Variants in DACH1 observed in about 807,000 individuals in gnomAD.
DACH1 encodes dachshund homolog 1.
A neutral mutation model predicts 54.2 loss-of-function variants in DACH1; 12 were observed. That is an observed-to-expected ratio of 0.22 (90% confidence interval 0.14 to 0.36). The LOEUF (loss-of-function observed/expected upper bound fraction) is 0.36, where lower values mean the gene tolerates loss of function less well. Among genes scored for constraint, DACH1 ranks in the 10% least tolerant of loss-of-function variants. DACH1 has a pLI of 1.00. For synonymous variants in DACH1, 386 were observed against 366.2 expected (o/e 1.05, Z -0.62); for missense variants, 805 against 929.8 (o/e 0.87, Z 1.75).
At chr13:71,863,070 A>G (rs1245824812) in intron 1 of DACH1, among the ~76,000 whole-genome samples, 4 of 152,138 alleles carry the variant, frequency 2.6e-5, no homozygotes, top group Non-Finnish European at 5.9e-5. Context: ...TAGGTGAATA[A>G]AAAAGGTTCT....
chr13:71,834,393 T>G (rs1002659787), intron 1 of DACH1, among the ~76,000 whole-genome samples: 1 of 152,136 alleles, frequency 6.6e-6, no homozygotes, highest in East Asian at 1.9e-4. Context: ...AAATGGATGA[T>G]GCAAAGGTTC....
In DACH1 at chr13:71,866,770, G is replaced by A. The variant is rs1874853465; in HGVS notation, c.-1C>T. ...GGATCAAAGCCGCCGGCACTGCCAT[G>A]GTCACATATAAGGGGAAACAGACGG... On this transcript the variant is annotated 5_prime_UTR_variant, in exon 1 of 11. Coordinates refer to ENST00000613252, the MANE Select transcript of DACH1 (RefSeq NM_080759.6). The A allele has an allele frequency of 1.5e-6, 2 of 1,357,066 alleles. No individual in the cohort carries two copies. Among genetic ancestry groups the A allele is most frequent in the African/African-American group, 1.5e-5 (1 of 67,040 alleles). 84.1% of individuals were successfully genotyped at this position (1,357,066 alleles called of 1,614,324 possible).
intron 2 of DACH1, among the ~76,000 whole-genome samples, chr13:71,674,722 C>T (rs1880439565): frequency 1.0e-3 from 2 of 1,938 alleles, no homozygotes; most frequent in African/African-American, 1.9e-3. Flanking sequence ...TAATTTGTTA[C>T]GGCAGGCACA....
At chr13:71,766,050 C>A (rs1001539340) in intron 1 of DACH1, among the ~76,000 whole-genome samples, 2 of 152,098 alleles carry the variant, frequency 1.3e-5, no homozygotes, top group African/African-American at 4.8e-5. Context: ...CCACGTCCAG[C>A]TAATTTTTTG....
intron 6 of DACH1, among the ~76,000 whole-genome samples, chr13:71,514,092 A>G (rs1218693443): frequency 6.6e-6 from 1 of 152,066 alleles, no homozygotes; most frequent in Non-Finnish European, 1.5e-5. Context: ...ATTAAAAATA[A>G]AAAGTCCATT....
intron 1 of DACH1, among the ~76,000 whole-genome samples, chr13:71,804,656 A>C (rs1402773628): frequency 2.0e-5 from 3 of 152,024 alleles, no homozygotes; most frequent in African/African-American, 2.4e-5. Context: ...TTTGCTCACA[A>C]AGTTCCCACC....
At position 71,519,883 on chromosome 13, in the gene DACH1, GTA is replaced by G. The variant is rs57190375; in HGVS notation, c.1571-30737_1571-30736del. Among the ~76,000 whole-genome samples, 86 of 29,340 alleles carry G rather than the reference GTA, an allele frequency of 2.9e-3. 5 individuals carry two copies. Among genetic ancestry groups the G allele is most frequent in the Middle Eastern group, 0.042 (1 of 24 alleles). The allele number at this position is 29,340 out of a possible 152,430, so 19.2% of individuals were successfully genotyped here. On this transcript the variant is annotated intron_variant, in intron 6 of 10. Transcript: ENST00000613252. Reference sequence around the variant, plus strand: ...AGATGTTTGTGTCCAAACCAAAGTAGTATATATATATATATATATATATATCC... The same window carrying G: ...AGATGTTTGTGTCCAAACCAAAGTAGTATATATATATATATATATATATCC...
intron 1 of DACH1, among the ~76,000 whole-genome samples, chr13:71,736,753 C>T (rs184327732): frequency 8.6e-4 from 131 of 152,200 alleles, no homozygotes; most frequent in African/African-American, 2.6e-3. Context: ...TTTTCTTAAT[C>T]GATCTGATGT....
intron 1 of DACH1, among the ~76,000 whole-genome samples, chr13:71,748,979 T>C (rs1202744131): frequency 1.4e-5 from 2 of 147,630 alleles, no homozygotes; most frequent in Admixed American, 6.9e-5. Context: ...TCTCTCTTTC[T>C]TCTTTCCTTT....
chr13:71,527,320 C>T (rs1368702710), intron 6 of DACH1, among the ~76,000 whole-genome samples: 3 of 152,038 alleles, frequency 2.0e-5, no homozygotes, highest in East Asian at 1.9e-4. Context: ...ACACATTACT[C>T]ATATAACTTT....
intron 1 of DACH1, among the ~76,000 whole-genome samples, chr13:71,748,776 T>C (rs1192912946): frequency 2.6e-5 from 4 of 152,210 alleles, no homozygotes; most frequent in Non-Finnish European, 5.9e-5. Context: ...TAATATATCA[T>C]CTTTCATAAC....
At chr13:71,761,662 T>C (rs977921936) in intron 1 of DACH1, among the ~76,000 whole-genome samples, 4 of 152,114 alleles carry the variant, frequency 2.6e-5, no homozygotes, top group Admixed American at 6.6e-5. Context: ...AAATGCAGGT[T>C]TTGATCCAGT....
At chr13:71,575,353 T>G (rs912550938) in intron 3 of DACH1, among the ~76,000 whole-genome samples, 5 of 152,024 alleles carry the variant, frequency 3.3e-5, no homozygotes, top group African/African-American at 1.2e-4. Flanking sequence ...AACTAAAATA[T>G]GGAGTGGAAA....
At chr13:71,502,486 C>T (rs987090141) in intron 6 of DACH1, among the ~76,000 whole-genome samples, 4 of 152,126 alleles carry the variant, frequency 2.6e-5, no homozygotes, top group East Asian at 3.9e-4. Context: ...CTTCCCTTGT[C>T]GGAGCTGTTT....
At chr13:71,555,313 TTA>T (rs1438057266) in intron 6 of DACH1, among the ~76,000 whole-genome samples, 1 of 151,974 alleles carries the variant, frequency 6.6e-6, no homozygotes, top group African/African-American at 2.4e-5. Context: ...CGATGAAACT[TTA>T]TGTTTTACCA....
chr13:71,836,299 C>T (rs1325357), intron 1 of DACH1, among the ~76,000 whole-genome samples: 12,002 of 151,916 alleles, frequency 0.079, 1,572 homozygotes, highest in African/African-American at 0.27. Context: ...AATTAATAGT[C>T]AATGTTTATT....
At chr13:71,442,024 A>T (rs1874049502) in intron 10 of DACH1, among the ~76,000 whole-genome samples, 1 of 152,092 alleles carries the variant, frequency 6.6e-6, no homozygotes, top group Non-Finnish European at 1.5e-5. Flanking sequence ...CACCTCAAAC[A>T]CTTATCCTCT....
At chr13:71,778,772 T>C (rs111385713) in intron 1 of DACH1, among the ~76,000 whole-genome samples, 1 of 152,042 alleles carries the variant, frequency 6.6e-6, no homozygotes, top group Non-Finnish European at 1.5e-5. Flanking sequence ...TTCCAAAAAA[T>C]TAAACTTGGA....
intron 1 of DACH1, among the ~76,000 whole-genome samples, chr13:71,851,658 G>A (rs192943170): frequency 7.2e-5 from 11 of 152,170 alleles, no homozygotes; most frequent in Admixed American, 3.3e-4. Flanking sequence ...CACATGCCAA[G>A]TCCTGTCTTA....
Sources: allele counts gnomAD v4.1 joint callset (sites outside exome capture counted in the v4.1 genomes callset), GRCh38; gene constraint gnomAD v4.1.1; transcripts MANE v1.5; gene names NCBI Gene and HGNC (gene_info 2026-07-23, HGNC 2026-07-21).